The following MTMR14 variants were observed in gnomAD, a reference collection of about 807,000 sequenced individuals.
MTMR14 encodes the protein phosphatidylinositol-3,5-bisphosphate 3-phosphatase MTMR14.
Under a neutral mutation model 86.3 loss-of-function variants are expected in MTMR14, and 48 were observed. That is an observed-to-expected ratio of 0.56 (90% CI 0.44 to 0.71). The LOEUF is 0.71. Among genes scored for constraint, MTMR14 ranks in the 30% least tolerant of loss-of-function variants. The pLI, the probability that MTMR14 is intolerant of heterozygous loss-of-function variation, is 0.00. For synonymous variants in MTMR14, 366 were observed against 326.1 expected, an observed-to-expected ratio of 1.12 and a Z score of -1.32; for missense variants, 780 against 834.6, an observed-to-expected ratio of 0.93 and a Z score of 0.81.
chr3:9,681,055 T>C (rs555195523), intron 9 of MTMR14, among the ~76,000 whole-genome samples: 1 of 152,332 alleles, frequency 6.6e-6, no homozygotes, highest in East Asian at 1.9e-4. Flanking sequence ...GTTGCACACC[T>C]GCAGTGGTTA....
At chr3:9,680,172 A>G (rs1160648205) in intron 9 of MTMR14, among the ~76,000 whole-genome samples, 4 of 152,048 alleles carry the variant, frequency 2.6e-5, no homozygotes, top group Admixed American at 1.3e-4. Flanking sequence ...ATGGCCCACC[A>G]TTTACCCAGA....
intron 9 of MTMR14, 140 bp downstream of exon 9, chr3:9,678,198 T>C: frequency 1.4e-6 from 1 of 693,520 alleles, no homozygotes; most frequent in Non-Finnish European, 2.4e-6. Context: ...CCCTCTGTCC[T>C]CTCAGAAAGG....
At position 9,702,382 on chromosome 3, in the gene MTMR14, T is replaced by C; in HGVS notation, c.*409T>C. Reference sequence around the variant, plus strand: ...GATCACAAAATAAAATCAAAGTCTTTTTGAATAGCCACTCTTGTGTCATCA... The same window carrying C: ...GATCACAAAATAAAATCAAAGTCTTCTTGAATAGCCACTCTTGTGTCATCA... On this transcript the variant is annotated 3_prime_UTR_variant, in exon 19 of 19. Transcript: ENST00000296003. The C allele has an allele frequency of 3.4e-6, 1 of 292,660 alleles. No homozygotes were observed. Among genetic ancestry groups the C allele is most frequent in the Non-Finnish European group, 6.7e-6 (1 of 148,724 alleles). The allele number at this position is 292,660 out of a possible 1,614,324, so 18.1% of individuals were successfully genotyped here.
At chr3:9,652,657 A>G (rs370209553) in intron 1 of MTMR14, among the ~76,000 whole-genome samples, 68 of 150,800 alleles carry the variant, frequency 4.5e-4, no homozygotes, top group Middle Eastern at 3.5e-3. Context: ...AGATCACACC[A>G]TTGCACTCTA....
intron 15 of MTMR14, 94 bp downstream of exon 15, chr3:9,688,848 T>G (rs1237653918): frequency 1.2e-4 from 188 of 1,606,554 alleles, no homozygotes; most frequent in Middle Eastern, 9.9e-4. Flanking sequence ...GTTTTTTGTT[T>G]TTTTTTTTTT....
rs551948085 is a variant in MTMR14 at position 9,660,586 on chromosome 3, C to T, written c.309-1681C>T. Among the ~76,000 whole-genome samples the T allele has an allele frequency of 1.9e-4, 29 of 152,126 alleles. No individual in the cohort carries two copies. The South Asian group carries it at 3.3e-3, about 17-fold the overall frequency. Reference sequence around the variant, plus strand: ...CCTAGATATATTTTAACTAAGAATTCGCAGTATTTTAAAGACTGTGTTTTT... The same window carrying T: ...CCTAGATATATTTTAACTAAGAATTTGCAGTATTTTAAAGACTGTGTTTTT... On this transcript the variant is annotated intron_variant, in intron 2 of 18. Coordinates refer to ENST00000296003, the MANE Select transcript of MTMR14 (RefSeq NM_001077525.3).
rs548432516 is a variant in MTMR14, at chr3:9,680,871, A to C, written c.898-2307A>C. Among the ~76,000 whole-genome samples, 3 of 152,338 alleles carry C rather than the reference A, an allele frequency of 2.0e-5. No homozygotes were observed. In the South Asian group the frequency reaches 6.2e-4, roughly 32 times the overall value. On this transcript the variant is annotated intron_variant, in intron 9 of 18. Transcript: ENST00000296003. ...AACAAACAAACAAACAAAAGAAGGC[A>C]GCCCTCTCCAGGTTCGCACGTGCTG...
At chr3:9,670,983 GC>G in intron 5 of MTMR14, 64 bp from the exon 6 acceptor site, 7 of 1,608,782 alleles carry the variant, frequency 4.4e-6, no homozygotes, top group Non-Finnish European at 6.0e-6. Context: ...CTGAATGAGT[GC>G]CCACCCCCAA....
At chr3:9,687,503 C>T (rs1014488814) in intron 13 of MTMR14, among the ~76,000 whole-genome samples, 3 of 151,792 alleles carry the variant, frequency 2.0e-5, no homozygotes, top group South Asian at 2.1e-4. Flanking sequence ...TGCAGTGAGC[C>T]GAGATCACGC....
rs1298471480 is a variant in MTMR14, at chr3:9,702,005, C to T, written c.*32C>T. On this transcript the variant is annotated 3_prime_UTR_variant, in exon 19 of 19. Transcript: ENST00000296003. The stretch of plus-strand genomic sequence containing the variant: ...CAGCCCATGACATTTTCCTGCTCCT[C>T]TCTCAGCTGAGCCCTTAGCAGAGAA... 6.8e-6 allele frequency: 11 copies of T among 1,613,096 alleles called. No individual in the cohort carries two copies. The highest frequency in any genetic ancestry group is 9.3e-6 in the Non-Finnish European group (11 of 1,179,788).
rs371632082 is a variant in MTMR14 at position 9,688,902 on chromosome 3, G to A, written c.1295-42G>A. ...TAGAAAAGGTGGGGGACCAGTAGTGGGAGAAGGTAACACGCTGACTGATGG... is the reference window on the plus strand; with the variant it reads ...TAGAAAAGGTGGGGGACCAGTAGTGAGAGAAGGTAACACGCTGACTGATGG... On this transcript the variant is annotated intron_variant, in intron 15 of 18. Coordinates refer to ENST00000296003, the MANE Select transcript of MTMR14 (RefSeq NM_001077525.3). 2.2e-5 allele frequency: 36 copies of A among 1,613,594 alleles called. No individual in the cohort carries two copies. The African/African-American group carries it at 3.7e-4, about 17-fold the overall frequency.
intron 9 of MTMR14, among the ~76,000 whole-genome samples, chr3:9,680,797 A>G (rs1017903783): frequency 2.6e-5 from 4 of 152,238 alleles, no homozygotes; most frequent in Admixed American, 6.5e-5. Flanking sequence ...AGATCGCGCC[A>G]CTACACTCCA....
intron 3 of MTMR14, among the ~76,000 whole-genome samples, chr3:9,666,170 G>A (rs1042249644): frequency 7.3e-5 from 9 of 123,772 alleles, no homozygotes; most frequent in East Asian, 4.5e-4. Context: ...GTCTCTCTCC[G>A]TTGCCCAAGC....
chr3:9,684,464 T>G, intron 10 of MTMR14, 121 bp from the exon 11 acceptor site: 1 of 908,142 alleles, frequency 1.1e-6, no homozygotes. Flanking sequence ...GGGAGGCCAC[T>G]GGGGAAGACA....
chr3:9,673,079 T>G (rs2048661097), intron 7 of MTMR14, among the ~76,000 whole-genome samples: 1 of 152,232 alleles, frequency 6.6e-6, no homozygotes, highest in Admixed American at 6.5e-5. Context: ...TTTTGATTTA[T>G]ATGAAAGTGG....
chr3:9,652,423 T>C (rs1403196409), intron 1 of MTMR14, among the ~76,000 whole-genome samples: 1 of 152,162 alleles, frequency 6.6e-6, no homozygotes, highest in East Asian at 1.9e-4. Flanking sequence ...ACTGGTTGCA[T>C]GGAATAGAGC....
At position 9,677,785 on chromosome 3, in the gene MTMR14, G is replaced by A. The variant is rs73811564; in HGVS notation, c.823-199G>A. Among the ~76,000 whole-genome samples the A allele has an allele frequency of 4.0e-3, 603 of 152,222 alleles. 4 individuals are homozygous for A. Among genetic ancestry groups the A allele is most frequent in the African/African-American group, 0.014 (589 of 41,528 alleles). On this transcript the variant is annotated intron_variant, in intron 8 of 18. Transcript: ENST00000296003. The surrounding 1 kb of genome is among the most constrained non-coding windows in gnomAD (Gnocchi z 4.2). ...TTTCAGCAACAGACATCAAATGTCC[G>A]ACTGAAAAACTCCTACTCAGCTATA... is the stretch of plus-strand genomic sequence containing the variant.
At chr3:9,670,939 C>T (rs1574989058) in intron 5 of MTMR14, 109 bp from the exon 6 acceptor site, 1 of 1,449,408 alleles carries the variant, frequency 6.9e-7, no homozygotes, top group African/African-American at 1.4e-5. Context: ...AGCACACGCC[C>T]CAGCTTCTGG....
At chr3:9,672,544 A>G (rs974074967) in intron 6 of MTMR14, 141 bp from the exon 7 acceptor site, 11 of 762,170 alleles carry the variant, frequency 1.4e-5, no homozygotes, top group African/African-American at 3.4e-5. Context: ...CAAAGTAGGC[A>G]CTGCTGAAGG....
Sources: gnomAD v4.1 joint callset for allele counts (sites outside exome capture counted in the v4.1 genomes callset) on GRCh38, gnomAD v4.1.1 for gene constraint, Gnocchi (gnomAD v3.1) non-coding constraint, MANE v1.5 for transcripts, NCBI Gene and HGNC (gene_info 2026-07-23, HGNC 2026-07-21) for gene names.